Variants in ZNF215 observed in about 807,000 individuals in gnomAD.
ZNF215 encodes the protein zinc finger protein 215.
A neutral mutation model predicts 27.2 loss-of-function variants in ZNF215; 24 were observed. The ratio of observed to expected loss-of-function variants is 0.88; its 90% CI spans 0.64 to 1.24. The LOEUF is 1.24. Among genes scored for constraint, ZNF215 ranks in the 50% most tolerant of loss-of-function variants. ZNF215 has a pLI of 0.00. For synonymous variants in ZNF215, 210 were observed against 204.0 expected (o/e 1.03, Z -0.25); for missense variants, 675 against 605.7 (o/e 1.11, Z -1.20).
chr11:6,972,431 T>C (rs1485093510), intron 5 of ZNF215, among the ~76,000 whole-genome samples: 3 of 151,946 alleles, frequency 2.0e-5, no homozygotes. Context: ...TTAACCAATA[T>C]TGTAGCAGTT....
At chr11:6,981,637 G>A (rs9666740) in intron 5 of ZNF215, among the ~76,000 whole-genome samples, 52,616 of 151,622 alleles carry the variant, frequency 0.35, 9,839 homozygotes, top group African/African-American at 0.49. Flanking sequence ...GTCAACTTTG[G>A]CTTTTGTTGC....
chr11:6,937,199 C>G (rs990659190), intron 3 of ZNF215, among the ~76,000 whole-genome samples: 7 of 152,102 alleles, frequency 4.6e-5, no homozygotes, highest in Non-Finnish European at 1.0e-4. Context: ...CAGTAAAAAA[C>G]TATTAGACCT....
chr11:6,942,977 A>G lies in ZNF215; in HGVS notation c.484-106A>G, dbSNP rs1849680808. 6 of 1,474,988 alleles carry G rather than the reference A, an allele frequency of 4.1e-6. No individual in the cohort carries two copies. In the South Asian group the frequency reaches 6.9e-5, roughly 17 times the overall value. The allele number at this position is 1,474,988 out of a possible 1,614,324, so 91.4% of individuals were successfully genotyped here. A position where few individuals can be genotyped will look rare whatever the true frequency, so the allele number is the denominator to read the frequency against. ...ATTGTCCTCAGACATTGTCCTATCAATTTCTGGTGTATTCTGGCTCCTACC... is the reference window on the plus strand; with the variant it reads ...ATTGTCCTCAGACATTGTCCTATCAGTTTCTGGTGTATTCTGGCTCCTACC... On this transcript the variant is annotated intron_variant, in intron 4 of 6. Transcript: ENST00000278319.
intron 5 of ZNF215, among the ~76,000 whole-genome samples, chr11:6,971,193 G>A (rs370114721): frequency 6.6e-6 from 1 of 152,010 alleles, no homozygotes; most frequent in Non-Finnish European, 1.5e-5. Flanking sequence ...AATAAGGATC[G>A]TCTCTTATTC....
At chr11:6,989,628 A>G (rs1851096722), downstream of ZNF215, among the ~76,000 whole-genome samples, 1 of 152,162 alleles carries the variant, frequency 6.6e-6, no homozygotes. Context: ...CCAGACTCCC[A>G]TGTTCCCTAG....
rs750311956 is a variant in ZNF215 at position 6,956,013 on chromosome 11, G to T, written c.1036G>T (p.Asp346Tyr). 6.2e-7 allele frequency: 1 copy of T among 1,609,600 alleles called. No individual in the cohort carries two copies. Among genetic ancestry groups the T allele is most frequent in the Admixed American group, 1.7e-5 (1 of 59,218 alleles). The change falls in exon 7 of 7, where the codon GAC becomes TAC. Residue 346 changes from aspartate (D) to tyrosine (Y), a missense_variant. Coordinates refer to ENST00000278319, the MANE Select transcript of ZNF215 (RefSeq NM_013250.4). Reference sequence around the variant, plus strand: ...TAAAACTTACTTCAAATTTAATTTAGACTCAGTAGGTAAGCAACATTCAGA... The same window carrying T: ...TAAAACTTACTTCAAATTTAATTTATACTCAGTAGGTAAGCAACATTCAGA... Reference protein sequence around the residue: ...KFKTYFKFNLDSVGKQHSEYE... With the variant: ...KFKTYFKFNLYSVGKQHSEYE...
chr11:6,966,499 GAA>G (rs112311577), intron 5 of ZNF215, among the ~76,000 whole-genome samples: 14 of 147,922 alleles, frequency 9.5e-5, no homozygotes, highest in African/African-American at 3.5e-4. Flanking sequence ...AAGTTGGAAA[GAA>G]AAAAAAAATG....
intron 6 of ZNF215, among the ~76,000 whole-genome samples, chr11:6,945,800 C>A (rs1341631629): frequency 6.6e-6 from 1 of 152,132 alleles, no homozygotes; most frequent in Non-Finnish European, 1.5e-5. Flanking sequence ...CTCTTTTCTT[C>A]CCTAGTTTAT....
chr11:6,961,397 G>A (rs777235108), downstream of ZNF215, among the ~76,000 whole-genome samples: 1 of 152,058 alleles, frequency 6.6e-6, no homozygotes, highest in African/African-American at 2.4e-5. Flanking sequence ...ATGCTTTAAT[G>A]GAGAGAAGGT....
At chr11:6,927,568 C>G (rs1849100533) in intron 1 of ZNF215, 94 bp from the exon 2 acceptor site, 1 of 152,230 alleles carries the variant, frequency 6.6e-6, no homozygotes, top group Admixed American at 6.5e-5. Context: ...GTACTGGCTC[C>G]GTGTCTTAAT....
At chr11:6,949,360 C>T (rs1351125781) in intron 6 of ZNF215, among the ~76,000 whole-genome samples, 5 of 152,290 alleles carry the variant, frequency 3.3e-5, no homozygotes, top group Admixed American at 3.3e-4. Flanking sequence ...TTTACAGTCC[C>T]ACCAACAGTA....
chr11:6,952,243 A>G (rs960720837), intron 6 of ZNF215, among the ~76,000 whole-genome samples: 1 of 152,174 alleles, frequency 6.6e-6, no homozygotes, highest in Admixed American at 6.6e-5. Context: ...GTAGATGTCT[A>G]TTAGGTCTGC....
At chr11:6,958,860 C>T (rs149657584), downstream of ZNF215, among the ~76,000 whole-genome samples, 951 of 152,254 alleles carry the variant, frequency 6.2e-3, 8 homozygotes, top group African/African-American at 0.022. Flanking sequence ...CGGAACTGGA[C>T]GAAGTAGTAG....
intron 5 of ZNF215, among the ~76,000 whole-genome samples, chr11:6,976,531 G>T (rs969434737): frequency 2.7e-4 from 41 of 152,146 alleles, no homozygotes; most frequent in African/African-American, 8.9e-4. Flanking sequence ...TTGCAGTATT[G>T]AGGGAACTTA....
At chr11:6,946,632 T>G (rs1849824133) in intron 6 of ZNF215, among the ~76,000 whole-genome samples, 1 of 152,324 alleles carries the variant, frequency 6.6e-6, no homozygotes, top group Admixed American at 6.5e-5. Context: ...CTCAAATAAG[T>G]GCACATTTCC....
At chr11:6,929,255 A>C (rs763313516) in intron 2 of ZNF215, among the ~76,000 whole-genome samples, 12 of 152,196 alleles carry the variant, frequency 7.9e-5, no homozygotes, top group Non-Finnish European at 1.2e-4. Flanking sequence ...AAATTGGATA[A>C]AGTTACAGGA....
chr11:6,963,239 C>T (rs970968590), intron 5 of ZNF215, among the ~76,000 whole-genome samples: 1 of 152,006 alleles, frequency 6.6e-6, no homozygotes, highest in African/African-American at 2.4e-5. Context: ...AACCCCAGCC[C>T]TCATGACCCC....
intron 5 of ZNF215, among the ~76,000 whole-genome samples, chr11:6,967,917 T>C (rs955614461): frequency 6.6e-6 from 1 of 152,230 alleles, no homozygotes; most frequent in Admixed American, 6.5e-5. Context: ...GTGATGGTTT[T>C]AGGTCTTACG....
At chr11:6,944,583 T>A (rs1054451463) in intron 6 of ZNF215, among the ~76,000 whole-genome samples, 1 of 152,114 alleles carries the variant, frequency 6.6e-6, no homozygotes, top group Admixed American at 6.5e-5. Flanking sequence ...CTCATTCTTG[T>A]TAATACTTTG....
Sources: allele counts gnomAD v4.1 joint callset (sites outside exome capture counted in the v4.1 genomes callset), GRCh38; gene constraint gnomAD v4.1.1; transcripts MANE v1.5; gene names NCBI Gene and HGNC (gene_info 2026-07-23, HGNC 2026-07-21).